Variants in UGT2B7 observed in about 807,000 individuals in gnomAD.
The protein encoded by UGT2B7 is UDP glucuronosyltransferase family 2 member B7.
Under a neutral mutation model 51.9 loss-of-function variants are expected in UGT2B7, and 51 were observed. The ratio of observed to expected loss-of-function variants is 0.98; its 90% CI spans 0.78 to 1.24. UGT2B7 has a LOEUF of 1.24. Among genes scored for constraint, UGT2B7 ranks in the 50% most tolerant of loss-of-function variants. The pLI, the probability that UGT2B7 is intolerant of heterozygous loss-of-function variation, is 0.00. For synonymous variants in UGT2B7, 225 were observed against 211.6 expected, an observed-to-expected ratio of 1.06 and a Z score of -0.55; for missense variants, 727 against 628.4, an observed-to-expected ratio of 1.16 and a Z score of -1.68.
chr4:69,060,434 A>T (rs1438886446), intron 1 of UGT2B7, among the ~76,000 whole-genome samples: 3 of 152,212 alleles, frequency 2.0e-5, no homozygotes, highest in Non-Finnish European at 4.4e-5. Flanking sequence ...AGCCACAAAG[A>T]GGGGAAAAAG....
chr4:69,092,415 G>A (rs1719105047), upstream of UGT2B7, among the ~76,000 whole-genome samples: 2 of 152,054 alleles, frequency 1.3e-5, no homozygotes, highest in Non-Finnish European at 2.9e-5. Context: ...ATGGTTTACT[G>A]ACCCTATAAT....
At chr4:69,081,678 GAT>G (rs1335976570) in intron 1 of UGT2B7, among the ~76,000 whole-genome samples, 2 of 151,992 alleles carry the variant, frequency 1.3e-5, no homozygotes, top group African/African-American at 4.8e-5. Context: ...ACTCTGTCTA[GAT>G]TCTACCAAAG....
intron 1 of UGT2B7, among the ~76,000 whole-genome samples, chr4:69,063,748 A>C (rs1486970499): frequency 6.6e-6 from 1 of 152,100 alleles, no homozygotes; most frequent in Non-Finnish European, 1.5e-5. Flanking sequence ...GTTGGTTTTC[A>C]TCCTTTGGTG....
intron 1 of UGT2B7, among the ~76,000 whole-genome samples, chr4:69,054,262 G>A (rs1482188959): frequency 1.3e-5 from 2 of 152,050 alleles, no homozygotes; most frequent in Non-Finnish European, 2.9e-5. Flanking sequence ...AGACTGTGGG[G>A]CACTGGCCAA....
intron 1 of UGT2B7, among the ~76,000 whole-genome samples, chr4:69,073,478 T>C (rs755858503): frequency 6.6e-6 from 1 of 152,152 alleles, no homozygotes. Flanking sequence ...AGAATCCTGA[T>C]TCATCATGAC....
intron 1 of UGT2B7, among the ~76,000 whole-genome samples, chr4:69,083,207 T>C (rs114575395): frequency 6.6e-6 from 1 of 152,104 alleles, no homozygotes; most frequent in Non-Finnish European, 1.5e-5. Flanking sequence ...CTGATAGGAA[T>C]GTACAAAGAG....
chr4:69,089,248 T>C (rs1040035225), intron 1 of UGT2B7, among the ~76,000 whole-genome samples: 5 of 152,316 alleles, frequency 3.3e-5, no homozygotes, highest in African/African-American at 4.8e-5. Context: ...TTAAGTGTTC[T>C]GTATAATTAT....
chr4:69,106,834 T>C (rs1185485156), intron 3 of UGT2B7, among the ~76,000 whole-genome samples: 1 of 151,640 alleles, frequency 6.6e-6, no homozygotes, highest in Non-Finnish European at 1.5e-5. Flanking sequence ...TGATTTGCAT[T>C]TCTCTAATGA....
At chr4:69,092,019 C>T (rs1231595710), upstream of UGT2B7, among the ~76,000 whole-genome samples, 1 of 152,136 alleles carries the variant, frequency 6.6e-6, no homozygotes, top group East Asian at 1.9e-4. Flanking sequence ...GCTTCAGCCT[C>T]GAACTCTCAG....
intron 1 of UGT2B7, among the ~76,000 whole-genome samples, chr4:69,053,753 G>A (rs569944817): frequency 8.5e-5 from 13 of 152,206 alleles, no homozygotes; most frequent in South Asian, 4.2e-4. Flanking sequence ...AAGAATTTTC[G>A]AAAGGTTATC....
intron 1 of UGT2B7, among the ~76,000 whole-genome samples, chr4:69,054,309 T>G (rs1471755720): frequency 2.0e-5 from 3 of 151,632 alleles, no homozygotes; most frequent in Non-Finnish European, 4.4e-5. Context: ...AAAGACAGGG[T>G]TTCCAAAGGC....
At chr4:69,080,429 T>C (rs1267437586) in intron 1 of UGT2B7, among the ~76,000 whole-genome samples, 1 of 151,078 alleles carries the variant, frequency 6.6e-6, no homozygotes, top group Non-Finnish European at 1.5e-5. Flanking sequence ...ATGCCTGCAA[T>C]CTCAGCTACT....
upstream of UGT2B7, among the ~76,000 whole-genome samples, chr4:69,093,604 G>C (rs145509845): frequency 3.5e-4 from 53 of 152,326 alleles, no homozygotes; most frequent in African/African-American, 1.2e-3. Flanking sequence ...CTCTACACGT[G>C]CCTGAGTGGC....
At chr4:69,064,486 C>A (rs1718445520) in intron 1 of UGT2B7, among the ~76,000 whole-genome samples, 1 of 152,216 alleles carries the variant, frequency 6.6e-6, no homozygotes, top group Non-Finnish European at 1.5e-5. Context: ...ATAAGGCAAA[C>A]CAGTGCAAGG....
rs1560495718 is a variant in UGT2B7 at position 69,052,581 on chromosome 4, A to G, written c.-159+979A>G. Among the ~76,000 whole-genome samples, 3 of 151,416 alleles carry G rather than the reference A, an allele frequency of 2.0e-5. 1 individual carries two copies. Among genetic ancestry groups the G allele is most frequent in the African/African-American group, 7.2e-5 (3 of 41,404 alleles). On this transcript the variant is annotated intron_variant, in intron 1 of 5. Coordinates refer to the UGT2B7 transcript ENST00000502942. ...AAATGGTTATCTTCAAAAAAAAAAAAAAAAAAAAAAAGAAGGGGAGGCAAA... is the reference window on the plus strand; with the variant it reads ...AAATGGTTATCTTCAAAAAAAAAAAGAAAAAAAAAAAGAAGGGGAGGCAAA...
chr4:69,112,844 A>AG lies in UGT2B7; in HGVS notation c.*108_*109insG. ...TTTCTTTCTTCCTGAGACAAAAAAA[A>AG]AAAAAGAAAAAAAAATCTTTTCAAA... On this transcript the variant is annotated 3_prime_UTR_variant, in exon 6 of 6. Transcript: ENST00000305231. 7.2e-7 allele frequency: 1 copy of AG among 1,394,674 alleles called. No homozygotes were observed. 86.4% of individuals were successfully genotyped at this position (1,394,674 alleles called of 1,614,324 possible). A position where few individuals can be genotyped will look rare whatever the true frequency, so the allele number is the denominator to read the frequency against.
upstream of UGT2B7, among the ~76,000 whole-genome samples, chr4:69,092,918 T>C (rs1053776610): frequency 6.6e-6 from 1 of 151,570 alleles, no homozygotes; most frequent in Non-Finnish European, 1.5e-5. Context: ...CCATTTTTCT[T>C]GATACTTGTT....
At chr4:69,100,868 T>A (rs1719395524) in intron 2 of UGT2B7, among the ~76,000 whole-genome samples, 5 of 152,120 alleles carry the variant, frequency 3.3e-5, no homozygotes, top group Admixed American at 2.6e-4. Context: ...TAATTTCTTA[T>A]AAGAGAAAAA....
upstream of UGT2B7, among the ~76,000 whole-genome samples, chr4:69,095,373 TG>T (rs1367211449): frequency 3.3e-5 from 5 of 152,198 alleles, no homozygotes; most frequent in Non-Finnish European, 7.3e-5. Flanking sequence ...CAGTTCCTTG[TG>T]GGGTCCTCTA....
Sources: allele counts gnomAD v4.1 joint callset (sites outside exome capture counted in the v4.1 genomes callset), GRCh38; gene constraint gnomAD v4.1.1; transcripts MANE v1.5; gene names NCBI Gene and HGNC (gene_info 2026-07-23, HGNC 2026-07-21).